UBE3D: variants seen among roughly 807,000 people sequenced by gnomAD.
UBE3D encodes the protein E3 ubiquitin-protein ligase E3D.
Under a neutral mutation model 49.6 loss-of-function variants are expected in UBE3D, and 48 were observed. The ratio of observed to expected loss-of-function variants is 0.97; its 90% CI spans 0.77 to 1.23. The LOEUF (loss-of-function observed/expected upper bound fraction) is 1.23. UBE3D is among the 50% of genes most tolerant of loss of function. The probability of loss-of-function intolerance (pLI) is 0.00; values close to 1 mark genes in which losing one functional copy is unlikely to be tolerated. For synonymous variants in UBE3D, 189 were observed against 174.2 expected, an observed-to-expected ratio of 1.08 and a Z score of -0.67; for missense variants, 452 against 468.4, an observed-to-expected ratio of 0.96 and a Z score of 0.32.
chr6:82,991,671 T>C (rs1778892220), intron 8 of UBE3D, among the ~76,000 whole-genome samples: 1 of 152,136 alleles, frequency 6.6e-6, no homozygotes, highest in Non-Finnish European at 1.5e-5. Flanking sequence ...AAAGGATAAA[T>C]TTTGTTAAGA....
chr6:82,935,522 A>G (rs1774501832), intron 9 of UBE3D, among the ~76,000 whole-genome samples: 1 of 152,344 alleles, frequency 6.6e-6, no homozygotes, highest in Non-Finnish European at 1.5e-5. Context: ...ATAATAGCTG[A>G]TCATTTTATA....
intron 4 of UBE3D, among the ~76,000 whole-genome samples, chr6:83,044,211 T>C (rs1052679777): frequency 2.0e-5 from 3 of 152,212 alleles, no homozygotes; most frequent in Admixed American, 2.0e-4. Flanking sequence ...TGCAGAGGTC[T>C]TCCTCTCCTT....
At chr6:82,972,123 C>T (rs533424954) in intron 8 of UBE3D, among the ~76,000 whole-genome samples, 1 of 152,298 alleles carries the variant, frequency 6.6e-6, no homozygotes, top group East Asian at 1.9e-4. Flanking sequence ...TTGTTTGCAT[C>T]ATATGCAACC....
At chr6:82,907,452 G>A (rs909688556) in intron 9 of UBE3D, among the ~76,000 whole-genome samples, 1 of 152,128 alleles carries the variant, frequency 6.6e-6, no homozygotes, top group African/African-American at 2.4e-5. Flanking sequence ...GATGGCCAAA[G>A]GTTTCTCAGT....
chr6:83,065,528 G>T, intron 1 of UBE3D, 114 bp downstream of exon 1: 2 of 979,100 alleles, frequency 2.0e-6, no homozygotes, highest in Non-Finnish European at 1.5e-6. Context: ...GAGGCTCTAC[G>T]CAACTGGAAA....
rs921621231 is a variant in UBE3D at position 83,046,677 on chromosome 6, G to GGT, written c.366-2019_366-2018insAC. On this transcript the variant is annotated intron_variant, in intron 3 of 9. Transcript: ENST00000369747. ...TTCTAAATTCTTGCAGTTGGCGGGG[G>GGT]GGGTGGGCGGTGGCACCGGGGGAGC... Among the ~76,000 whole-genome samples, 89 of 136,156 alleles carry GGT rather than the reference G, an allele frequency of 6.5e-4. 3 individuals carry two copies. Among genetic ancestry groups the GGT allele is most frequent in the Non-Finnish European group, 1.2e-3 (74 of 64,128 alleles). 89.3% of individuals were successfully genotyped at this position (136,156 alleles called of 152,430 possible).
At chr6:83,034,817 AG>A (rs1782128444) in intron 5 of UBE3D, among the ~76,000 whole-genome samples, 1 of 152,154 alleles carries the variant, frequency 6.6e-6, no homozygotes, top group Non-Finnish European at 1.5e-5. Flanking sequence ...TCTTTACAGC[AG>A]TGTGAAAATG....
At chr6:83,001,279 T>C (rs991303777) in intron 8 of UBE3D, among the ~76,000 whole-genome samples, 1 of 152,220 alleles carries the variant, frequency 6.6e-6, no homozygotes, top group Admixed American at 6.5e-5. Flanking sequence ...TCCTGCTAGA[T>C]TGTAATAAGT....
intron 8 of UBE3D, among the ~76,000 whole-genome samples, chr6:82,969,170 T>C (rs1027341733): frequency 1.0e-4 from 13 of 124,208 alleles, no homozygotes; most frequent in Admixed American, 4.2e-4. Flanking sequence ...GTTAAGAAAA[T>C]GTGCCCAAGA....
intron 9 of UBE3D, among the ~76,000 whole-genome samples, chr6:82,953,895 G>A (rs1775973669): frequency 6.6e-6 from 1 of 152,232 alleles, no homozygotes. Context: ...GGGGATACCT[G>A]AACTGAGACC....
intron 9 of UBE3D, among the ~76,000 whole-genome samples, chr6:82,940,772 G>A (rs562968864): frequency 3.9e-5 from 6 of 152,292 alleles, no homozygotes; most frequent in African/African-American, 1.4e-4. Context: ...AAAAGTATAT[G>A]TCTTCATGCC....
At chr6:83,034,717 G>C (rs1309522278) in intron 5 of UBE3D, among the ~76,000 whole-genome samples, 2 of 152,098 alleles carry the variant, frequency 1.3e-5, no homozygotes, top group Non-Finnish European at 2.9e-5. Flanking sequence ...CTTCTGCCAT[G>C]ACTGTAAGTT....
At chr6:83,021,519 G>A (rs1781088927) in intron 7 of UBE3D, among the ~76,000 whole-genome samples, 1 of 151,700 alleles carries the variant, frequency 6.6e-6, no homozygotes, top group Non-Finnish European at 1.5e-5. Flanking sequence ...AAAAAAAGTG[G>A]GACAGAATAG....
At chr6:82,985,008 CTTTTTTTTTTTTTT>C (rs70987727) in intron 8 of UBE3D, among the ~76,000 whole-genome samples, 2 of 52,998 alleles carry the variant, frequency 3.8e-5, no homozygotes, top group South Asian at 2.0e-3. Flanking sequence ...TCTTCTTCTT[CTTTTTTTTTTTTTT>C]TTTTTTTTTT....
intron 8 of UBE3D, among the ~76,000 whole-genome samples, chr6:82,972,019 A>G (rs948644939): frequency 6.6e-6 from 1 of 152,172 alleles, no homozygotes; most frequent in African/African-American, 2.4e-5. Flanking sequence ...GACCAGAGAT[A>G]GATGGTGAAA....
At chr6:83,021,724 C>T (rs1263817961) in intron 7 of UBE3D, among the ~76,000 whole-genome samples, 1 of 151,890 alleles carries the variant, frequency 6.6e-6, no homozygotes, top group Non-Finnish European at 1.5e-5. Context: ...AAAAAATTAG[C>T]CGGGCGTGGT....
intron 4 of UBE3D, among the ~76,000 whole-genome samples, chr6:83,039,377 T>G (rs1174547093): frequency 6.6e-6 from 1 of 152,216 alleles, no homozygotes; most frequent in Non-Finnish European, 1.5e-5. Context: ...GAAAAAAATT[T>G]TAACTGATTA....
intron 9 of UBE3D, among the ~76,000 whole-genome samples, chr6:82,897,662 C>T (rs1771429378): frequency 6.6e-6 from 1 of 151,972 alleles, no homozygotes; most frequent in Admixed American, 6.6e-5. Context: ...CCTTTACAAA[C>T]ATACAATATA....
chr6:83,002,332 T>C (rs1407854083), intron 8 of UBE3D, among the ~76,000 whole-genome samples: 1 of 152,130 alleles, frequency 6.6e-6, no homozygotes, highest in Non-Finnish European at 1.5e-5. Flanking sequence ...AGGTAGGGCT[T>C]TTGAGAGGTG....
Sources: gnomAD v4.1 joint callset for allele counts (sites outside exome capture counted in the v4.1 genomes callset) on GRCh38, gnomAD v4.1.1 for gene constraint, MANE v1.5 for transcripts, NCBI Gene and HGNC (gene_info 2026-07-23, HGNC 2026-07-21) for gene names.